DKK2: variants seen among roughly 807,000 people sequenced by gnomAD.
The protein encoded by DKK2 is dickkopf Wnt signaling pathway inhibitor 2.
DKK2 carries 11 observed loss-of-function variants against 28.1 expected under a neutral mutation model. The ratio of observed to expected loss-of-function variants is 0.39; its 90% CI spans 0.25 to 0.65. DKK2 has a LOEUF of 0.65. Ranked by LOEUF, DKK2 falls within the 30% of genes least tolerant of loss-of-function variation. DKK2 has a pLI of 0.47. For synonymous variants in DKK2, 135 were observed against 126.5 expected, an observed-to-expected ratio of 1.07 and a Z score of -0.45; for missense variants, 326 against 335.5, an observed-to-expected ratio of 0.97 and a Z score of 0.22.
At chr4:106,972,554 C>T (rs1722883813) in intron 1 of DKK2, among the ~76,000 whole-genome samples, 1 of 151,920 alleles carries the variant, frequency 6.6e-6, no homozygotes, top group Non-Finnish European at 1.5e-5. Context: ...TAAGTTGTCA[C>T]TTTTTCCCTC....
At chr4:106,938,796 G>C (rs939398607) in intron 1 of DKK2, among the ~76,000 whole-genome samples, 3 of 151,590 alleles carry the variant, frequency 2.0e-5, no homozygotes, top group Non-Finnish European at 4.4e-5. Flanking sequence ...GGGATGCAAG[G>C]CTGGTTCAAT....
chr4:107,030,504 A>C lies in DKK2; in HGVS notation c.222+4866T>G, dbSNP rs184477712. 5.6e-3 allele frequency among the ~76,000 whole-genome samples: 853 copies of C among 152,172 alleles called. 6 individuals carry two copies. The highest frequency in any genetic ancestry group is 6.9e-3 in the Non-Finnish European group (471 of 67,880). On this transcript the variant is annotated intron_variant, in intron 1 of 3. Transcript: ENST00000285311. ...CGTAGTAAGGGGCTCAGGCAGACAC[A>C]AATATCACATAAACCTTTTGAACAA... is the stretch of plus-strand genomic sequence containing the variant.
chr4:106,988,907 T>C lies in DKK2; in HGVS notation c.222+46463A>G, dbSNP rs115969923. Among the ~76,000 whole-genome samples, 792 of 152,270 alleles carry C rather than the reference T, an allele frequency of 5.2e-3. 9 individuals carry two copies. The highest frequency in any genetic ancestry group is 0.018 in the African/African-American group (757 of 41,560). The stretch of plus-strand genomic sequence containing the variant: ...ATCCTAAAGGCAAAACAACACTGTC[T>C]AATGGGCCAAGTAGCACTGGGATTA... On this transcript the variant is annotated intron_variant, in intron 1 of 3. Transcript: ENST00000285311.
intron 1 of DKK2, among the ~76,000 whole-genome samples, chr4:107,022,198 C>A (rs1408911493): frequency 2.6e-5 from 4 of 152,208 alleles, no homozygotes; most frequent in African/African-American, 9.6e-5. Flanking sequence ...TTTCTGGGAA[C>A]CTCTTTCAAC....
chr4:106,989,966 ATTATT>A (rs1220284507), intron 1 of DKK2, among the ~76,000 whole-genome samples: 4 of 152,308 alleles, frequency 2.6e-5, no homozygotes, highest in East Asian at 1.9e-4. Flanking sequence ...TAGCAAAAAT[ATTATT>A]TTAACAGAAA....
At chr4:106,991,338 T>C (rs1299224113) in intron 1 of DKK2, among the ~76,000 whole-genome samples, 4 of 152,108 alleles carry the variant, frequency 2.6e-5, no homozygotes, top group Non-Finnish European at 4.4e-5. Flanking sequence ...CCCACTGCAG[T>C]AGAAATCGAG....
At chr4:106,978,674 G>A (rs2110357105) in intron 1 of DKK2, among the ~76,000 whole-genome samples, 1 of 152,294 alleles carries the variant, frequency 6.6e-6, no homozygotes, top group South Asian at 2.1e-4. Context: ...AGCTTGCTGG[G>A]CTCTGTGGGG....
chr4:106,959,772 G>T (rs913423229), intron 1 of DKK2, among the ~76,000 whole-genome samples: 2 of 151,880 alleles, frequency 1.3e-5, no homozygotes, highest in African/African-American at 2.4e-5. Context: ...AATACTTTTT[G>T]CCCCTTGTGA....
chr4:107,035,499 C>G lies in DKK2; in HGVS notation c.93G>C (p.Ser31=). 1 of 1,614,114 alleles carries G rather than the reference C, an allele frequency of 6.2e-7. No homozygotes were observed. The highest frequency in any genetic ancestry group is 8.5e-7 in the Non-Finnish European group (1 of 1,180,026). The change falls in exon 1 of 4, where the codon TCG becomes TCC. Residue 31 remains serine, a synonymous_variant. Coordinates refer to ENST00000285311, the MANE Select transcript of DKK2 (RefSeq NM_014421.3). ...ACTTGATGGAGTTGAGTTTGGCCCG[C>G]GAACTGCCGATCTGTGAGCTCTCCA... ...LMVESSQIGS[S]RAKLNSIKSS...
rs546103143 is a variant in DKK2, at chr4:106,930,642, C to T, written c.223-4693G>A. ...ATCTGGATTCTTGCAAGACCGTCCT[C>T]GTTTTTTTGTTGTTTTAATCGGGAC... On this transcript the variant is annotated intron_variant, in intron 1 of 3. Transcript: ENST00000285311. Among the ~76,000 whole-genome samples, 24 of 152,276 alleles carry T rather than the reference C, an allele frequency of 1.6e-4. 1 individual carries two copies. The South Asian group carries it at 4.8e-3, about 30-fold the overall frequency.
intron 1 of DKK2, among the ~76,000 whole-genome samples, chr4:106,987,560 G>A (rs571858435): frequency 5.9e-5 from 9 of 152,122 alleles, no homozygotes; most frequent in East Asian, 1.9e-4. Context: ...GGAAAGGGAC[G>A]CAGGATCCCA....
chr4:107,011,715 G>T (rs1167608228), intron 1 of DKK2, among the ~76,000 whole-genome samples: 1 of 151,310 alleles, frequency 6.6e-6, no homozygotes, highest in African/African-American at 2.4e-5. Context: ...GTGTGTGTGG[G>T]TGTGTATAAT....
chr4:107,005,633 T>A (rs1723427869), intron 1 of DKK2, among the ~76,000 whole-genome samples: 1 of 152,028 alleles, frequency 6.6e-6, no homozygotes, highest in African/African-American at 2.4e-5. Context: ...TCCCCACGAG[T>A]CCCATTTACA....
At chr4:106,957,862 C>T (rs570875650) in intron 1 of DKK2, among the ~76,000 whole-genome samples, 1 of 149,586 alleles carries the variant, frequency 6.7e-6, no homozygotes, top group African/African-American at 2.5e-5. Context: ...ATGTAACTAA[C>T]CTGCACATTG....
chr4:106,936,445 T>G (rs1352916641), intron 1 of DKK2, among the ~76,000 whole-genome samples: 1 of 152,138 alleles, frequency 6.6e-6, no homozygotes, highest in Non-Finnish European at 1.5e-5. Context: ...GAGCAAAGCC[T>G]CCAAGAAATA....
At chr4:107,027,599 G>A (rs1723804746) in intron 1 of DKK2, among the ~76,000 whole-genome samples, 1 of 152,132 alleles carries the variant, frequency 6.6e-6, no homozygotes, top group South Asian at 2.1e-4. Context: ...AATACACTAT[G>A]TAGAAAGTGT....
At chr4:106,934,990 A>G (rs1269219227) in intron 1 of DKK2, among the ~76,000 whole-genome samples, 1 of 152,204 alleles carries the variant, frequency 6.6e-6, no homozygotes, top group Non-Finnish European at 1.5e-5. Flanking sequence ...ATGACTTGAG[A>G]AAAAGCTGGC....
At chr4:106,953,784 C>T (rs1722539297) in intron 1 of DKK2, among the ~76,000 whole-genome samples, 2 of 152,182 alleles carry the variant, frequency 1.3e-5, no homozygotes, top group African/African-American at 2.4e-5. Context: ...GATCTTGCAG[C>T]ACAATCCAAT....
chr4:106,950,897 C>T (rs1290116826), intron 1 of DKK2, among the ~76,000 whole-genome samples: 1 of 152,070 alleles, frequency 6.6e-6, no homozygotes, highest in Non-Finnish European at 1.5e-5. Context: ...ATAGTCCCTC[C>T]AGAAACCTCC....
Sources: allele counts gnomAD v4.1 joint callset (sites outside exome capture counted in the v4.1 genomes callset), GRCh38; gene constraint gnomAD v4.1.1; transcripts MANE v1.5; gene names NCBI Gene and HGNC (gene_info 2026-07-23, HGNC 2026-07-21).